NR2C2: variants seen among roughly 807,000 people sequenced by gnomAD.
The protein encoded by NR2C2 is nuclear receptor subfamily 2 group C member 2.
Under a neutral mutation model 62.9 loss-of-function variants are expected in NR2C2, and 6 were observed. That is an observed-to-expected ratio of 0.10 (90% CI 0.05 to 0.19). The LOEUF is 0.19. Ranked by LOEUF, NR2C2 falls within the 10% of genes least tolerant of loss-of-function variation. NR2C2 has a pLI of 1.00. For synonymous variants in NR2C2, 272 were observed against 273.8 expected, an observed-to-expected ratio of 0.99 and a Z score of 0.07; for missense variants, 479 against 762.7, an observed-to-expected ratio of 0.63 and a Z score of 4.38.
At chr3:14,955,435 T>C (rs1429827848) in intron 1 of NR2C2, among the ~76,000 whole-genome samples, 2 of 151,614 alleles carry the variant, frequency 1.3e-5, no homozygotes, top group Non-Finnish European at 2.9e-5. Context: ...TCCTGTCACT[T>C]TTTTTTTTCA....
intron 1 of NR2C2, among the ~76,000 whole-genome samples, chr3:14,981,341 C>T (rs781213949): frequency 6.6e-5 from 10 of 152,092 alleles, no homozygotes; most frequent in East Asian, 1.9e-4. Flanking sequence ...CGGTGCCTCA[C>T]GCCTGTAATC....
intron 1 of NR2C2, among the ~76,000 whole-genome samples, chr3:14,976,363 T>C (rs796303077): frequency 1.3e-4 from 20 of 152,284 alleles, no homozygotes; most frequent in African/African-American, 4.8e-4. Flanking sequence ...TATGATACTA[T>C]TACAGATACT....
intron 1 of NR2C2, chr3:14,948,400 T>TGCGAGGC (rs2039210617): frequency 1.3e-5 from 2 of 151,988 alleles, no homozygotes; most frequent in Admixed American, 1.3e-4. Context: ...GGAAGGCGGG[T>TGCGAGGC]GCGAGGCGCG....
intron 1 of NR2C2, among the ~76,000 whole-genome samples, chr3:14,970,948 CTGTT>C: frequency 6.6e-6 from 1 of 152,250 alleles, no homozygotes; most frequent in East Asian, 1.9e-4. Flanking sequence ...TATAACCATT[CTGTT>C]TTTCAGTACA....
At chr3:15,017,960 T>C (rs1391989518) in intron 4 of NR2C2, among the ~76,000 whole-genome samples, 4 of 152,250 alleles carry the variant, frequency 2.6e-5, no homozygotes, top group African/African-American at 9.6e-5. Flanking sequence ...GCATAATGTA[T>C]GTGAAAGTAC....
intron 1 of NR2C2, among the ~76,000 whole-genome samples, chr3:14,960,531 A>G (rs2125244441): frequency 6.6e-6 from 1 of 152,322 alleles, no homozygotes; most frequent in African/African-American, 2.4e-5. Context: ...TTGATGTATC[A>G]AGCCACCTCT....
At chr3:14,997,397 C>A (rs1574979798) in intron 1 of NR2C2, among the ~76,000 whole-genome samples, 1 of 152,182 alleles carries the variant, frequency 6.6e-6, no homozygotes, top group African/African-American at 2.4e-5. Flanking sequence ...CTAAAACTGG[C>A]AGAATTAACT....
intron 1 of NR2C2, among the ~76,000 whole-genome samples, chr3:14,999,347 C>T (rs907315172): frequency 1.3e-5 from 2 of 151,856 alleles, no homozygotes; most frequent in Non-Finnish European, 1.5e-5. Flanking sequence ...TAAATTGGCC[C>T]GGCATGGTAG....
intron 1 of NR2C2, among the ~76,000 whole-genome samples, chr3:14,971,757 CT>C (rs2040046401): frequency 6.7e-6 from 1 of 149,118 alleles, no homozygotes; most frequent in Non-Finnish European, 1.5e-5. Context: ...AACAGCTTTT[CT>C]TTTTTTGTTG....
At chr3:14,956,970 G>A (rs767394786) in intron 1 of NR2C2, among the ~76,000 whole-genome samples, 3 of 152,194 alleles carry the variant, frequency 2.0e-5, no homozygotes, top group Non-Finnish European at 2.9e-5. Context: ...CTTTGAGAAA[G>A]CAAAAGTGGC....
At chr3:15,036,141 G>A (rs1335668775) in intron 11 of NR2C2, among the ~76,000 whole-genome samples, 1 of 152,134 alleles carries the variant, frequency 6.6e-6, no homozygotes. Context: ...AGTGAGCCGA[G>A]ACTGTGCCAC....
At position 14,998,178 on chromosome 3, in the gene NR2C2, T is replaced by TA. The variant is rs568904430; in HGVS notation, c.-39-5697dup. On this transcript the variant is annotated intron_variant, in intron 1 of 13. Coordinates refer to ENST00000425241, the MANE Select transcript of NR2C2 (RefSeq NM_001291694.2). ...ATTTATCCATTCATCATTTGGGAGATATTTGAGTTGTTTCTACTTTTTGCC... is the reference window on the plus strand; with the variant it reads ...ATTTATCCATTCATCATTTGGGAGATAATTTGAGTTGTTTCTACTTTTTGCC... 1.4e-4 allele frequency among the ~76,000 whole-genome samples: 22 copies of TA among 152,322 alleles called. No homozygotes were observed. In the South Asian group the frequency reaches 4.6e-3, roughly 32 times the overall value.
intron 1 of NR2C2, among the ~76,000 whole-genome samples, chr3:14,997,962 CCT>C (rs771934320): frequency 3.4e-4 from 51 of 152,136 alleles, no homozygotes; most frequent in Non-Finnish European, 1.2e-4. Flanking sequence ...CCCCTGTTCC[CCT>C]GTCACCTGGC....
intron 1 of NR2C2, among the ~76,000 whole-genome samples, chr3:14,974,934 A>T (rs2040159709): frequency 6.6e-6 from 1 of 152,176 alleles, no homozygotes; most frequent in Non-Finnish European, 1.5e-5. Context: ...GTGTATACTT[A>T]AATGTTTTAA....
chr3:14,978,873 G>A (rs1473136398), intron 1 of NR2C2, among the ~76,000 whole-genome samples: 1 of 152,194 alleles, frequency 6.6e-6, no homozygotes, highest in African/African-American at 2.4e-5. Flanking sequence ...GCAGTGATAT[G>A]AGAGGTGGTG....
intron 1 of NR2C2, among the ~76,000 whole-genome samples, chr3:14,996,930 C>T (rs1378060673): frequency 6.6e-6 from 1 of 152,206 alleles, no homozygotes; most frequent in Non-Finnish European, 1.5e-5. Context: ...ATTCCATAGC[C>T]TGTGGGTACT....
At chr3:14,978,979 C>T (rs2040284907) in intron 1 of NR2C2, among the ~76,000 whole-genome samples, 1 of 152,144 alleles carries the variant, frequency 6.6e-6, no homozygotes, top group Non-Finnish European at 1.5e-5. Flanking sequence ...AGGGGCTGAG[C>T]CTTTCCAAGG....
At chr3:14,971,626 T>A (rs1388469457) in intron 1 of NR2C2, among the ~76,000 whole-genome samples, 1 of 151,564 alleles carries the variant, frequency 6.6e-6, no homozygotes, top group African/African-American at 2.4e-5. Context: ...TTCTAGTTTC[T>A]CCACATCCTC....
At chr3:14,969,504 G>GTGC (rs2039974386) in intron 1 of NR2C2, among the ~76,000 whole-genome samples, 1 of 152,122 alleles carries the variant, frequency 6.6e-6, no homozygotes, top group African/African-American at 2.4e-5. Context: ...GCCTCCCAAA[G>GTGC]TGCTGGGATT....
Sources: gnomAD v4.1 joint callset for allele counts (sites outside exome capture counted in the v4.1 genomes callset) on GRCh38, gnomAD v4.1.1 for gene constraint, MANE v1.5 for transcripts, NCBI Gene and HGNC (gene_info 2026-07-23, HGNC 2026-07-21) for gene names.